The following SCHIP1 variants were observed in gnomAD, a reference collection of about 807,000 sequenced individuals.
The protein encoded by SCHIP1 is schwannomin interacting protein 1.
A neutral mutation model predicts 29.7 loss-of-function variants in SCHIP1; 8 were observed. The observed-to-expected ratio is 0.27, with a 90% CI of 0.16 to 0.49. SCHIP1 has a LOEUF of 0.49. Ranked by LOEUF, SCHIP1 falls within the 20% of genes least tolerant of loss-of-function variation. The pLI is 0.99. For missense variants in SCHIP1, 193 were observed against 294.6 expected (o/e 0.66, Z 2.52); for synonymous variants, 76 against 94.9 (o/e 0.80, Z 1.16).
the SCHIP1 span, among the ~76,000 whole-genome samples, chr3:159,391,551 A>G: frequency 6.6e-6 from 1 of 152,162 alleles, no homozygotes; most frequent in African/African-American, 2.4e-5. Flanking sequence ...CATTCCTGCT[A>G]CTCAATGTAC....
At chr3:159,675,190 TC>T in the SCHIP1 span, among the ~76,000 whole-genome samples, 21 of 152,220 alleles carry the variant, frequency 1.4e-4, no homozygotes, top group Admixed American at 1.4e-3. Context: ...CCAGTGAATC[TC>T]CTGTACAAGT....
chr3:159,556,155 A>G, the SCHIP1 span, among the ~76,000 whole-genome samples: 1 of 152,194 alleles, frequency 6.6e-6, no homozygotes, highest in Non-Finnish European at 1.5e-5. Context: ...CAGCCAAAAA[A>G]CACATGAAAA....
chr3:159,817,228 G>T, the SCHIP1 span, among the ~76,000 whole-genome samples: 11 of 152,120 alleles, frequency 7.2e-5, no homozygotes, highest in East Asian at 1.9e-4. Flanking sequence ...CTTAGGTAAA[G>T]AATTTTCTTT....
At chr3:159,303,641 C>T in the SCHIP1 span, among the ~76,000 whole-genome samples, 9 of 152,116 alleles carry the variant, frequency 5.9e-5, no homozygotes, top group African/African-American at 2.2e-4. Context: ...TAGGGGAAAG[C>T]TGTGAAGGTT....
chr3:159,726,005 A>G, the SCHIP1 span, among the ~76,000 whole-genome samples: 1 of 152,220 alleles, frequency 6.6e-6, no homozygotes, highest in Non-Finnish European at 1.5e-5. Flanking sequence ...TAGCTATATT[A>G]TAACAAGCTG....
the SCHIP1 span, among the ~76,000 whole-genome samples, chr3:159,432,333 T>TGA: frequency 9.7e-5 from 8 of 82,888 alleles, no homozygotes; most frequent in Non-Finnish European, 2.2e-4. Flanking sequence ...TGTGTGTGTG[T>TGA]GTGTGTGAGA....
the SCHIP1 span, among the ~76,000 whole-genome samples, chr3:159,566,726 AGT>A: frequency 6.6e-6 from 1 of 152,162 alleles, no homozygotes; most frequent in African/African-American, 2.4e-5. Flanking sequence ...CAAGGAGGCC[AGT>A]GTGGCTAAAA....
At chr3:159,738,229 C>G in the SCHIP1 span, among the ~76,000 whole-genome samples, 2 of 144,638 alleles carry the variant, frequency 1.4e-5, no homozygotes, top group Admixed American at 7.0e-5. Flanking sequence ...TTCAGATCTT[C>G]AATAAATTTT....
the SCHIP1 span, among the ~76,000 whole-genome samples, chr3:159,552,807 T>C: frequency 6.6e-6 from 1 of 152,238 alleles, no homozygotes; most frequent in Non-Finnish European, 1.5e-5. Flanking sequence ...GAGCTCCTTA[T>C]GTAACCTTAC....
At chr3:159,347,682 GT>G in the SCHIP1 span, among the ~76,000 whole-genome samples, 3 of 152,060 alleles carry the variant, frequency 2.0e-5, no homozygotes, top group Admixed American at 6.5e-5. Flanking sequence ...AATACTCCAG[GT>G]TTTTTGGACC....
chr3:159,433,772 G>A, the SCHIP1 span, among the ~76,000 whole-genome samples: 2 of 152,200 alleles, frequency 1.3e-5, no homozygotes, highest in African/African-American at 2.4e-5. Flanking sequence ...ACAGTGACTA[G>A]TGCATTATAA....
At chr3:159,365,521 GGA>G in the SCHIP1 span, among the ~76,000 whole-genome samples, 1 of 152,180 alleles carries the variant, frequency 6.6e-6, no homozygotes, top group Non-Finnish European at 1.5e-5. Flanking sequence ...CATAAGGGCA[GGA>G]GTTTGTCTGC....
chr3:159,696,491 T>C, the SCHIP1 span, among the ~76,000 whole-genome samples: 1 of 152,206 alleles, frequency 6.6e-6, no homozygotes, highest in Admixed American at 6.5e-5. Flanking sequence ...TTCATTTGGG[T>C]TCCATAGCTC....
the SCHIP1 span, among the ~76,000 whole-genome samples, chr3:159,746,950 A>G: frequency 6.6e-6 from 1 of 152,072 alleles, no homozygotes. Context: ...TGAGTTAAAC[A>G]CCTCTCCAAT....
the SCHIP1 span, among the ~76,000 whole-genome samples, chr3:159,708,577 C>A: frequency 6.6e-6 from 1 of 152,184 alleles, no homozygotes; most frequent in African/African-American, 2.4e-5. Context: ...TCCTTAGAAT[C>A]ACTCCATCAA....
At chr3:159,623,424 G>A in the SCHIP1 span, among the ~76,000 whole-genome samples, 6 of 152,094 alleles carry the variant, frequency 3.9e-5, no homozygotes, top group African/African-American at 1.2e-4. Flanking sequence ...TTAGGAGTTC[G>A]AGACCAGCTT....
chr3:159,534,047 A>G, the SCHIP1 span, among the ~76,000 whole-genome samples: 1 of 152,202 alleles, frequency 6.6e-6, no homozygotes, highest in East Asian at 1.9e-4. Flanking sequence ...ATCACAGTCA[A>G]TTGCAAGTTC....
chr3:159,621,918 G>A, the SCHIP1 span, among the ~76,000 whole-genome samples: 164 of 152,186 alleles, frequency 1.1e-3, no homozygotes, highest in African/African-American at 2.0e-3. Flanking sequence ...TGCCTGCCTC[G>A]GCCTCCCAAA....
At chr3:159,539,555 C>G in the SCHIP1 span, among the ~76,000 whole-genome samples, 1 of 135,338 alleles carries the variant, frequency 7.4e-6, no homozygotes, top group South Asian at 2.4e-4. Context: ...TGTCCCTTCC[C>G]CCTTCATGAA....
Sources: allele counts gnomAD v4.1 joint callset (sites outside exome capture counted in the v4.1 genomes callset), GRCh38; gene constraint gnomAD v4.1.1; transcripts MANE v1.5; gene names NCBI Gene and HGNC (gene_info 2026-07-23, HGNC 2026-07-21).